TXNL4A: variants seen among roughly 807,000 people sequenced by gnomAD.
TXNL4A encodes thioredoxin-like protein 4A.
In TXNL4A, 17 loss-of-function variants were observed where a neutral mutation model predicts 14.6. The ratio of observed to expected loss-of-function variants is 1.16; its 90% CI spans 0.80 to 1.74. The LOEUF (loss-of-function observed/expected upper bound fraction) is 1.74. Among genes scored for constraint, TXNL4A ranks in the 40% most tolerant of loss-of-function variants. The probability of loss-of-function intolerance (pLI) is 0.00; values close to 1 mark genes in which losing one functional copy is unlikely to be tolerated. For missense variants in TXNL4A, 74 were observed against 195.2 expected (o/e 0.38, Z 3.70); for synonymous variants, 83 against 70.6 (o/e 1.18, Z -0.88).
At chr18:79,987,579 C>T (rs368328429) in intron 1 of TXNL4A, among the ~76,000 whole-genome samples, 2 of 152,202 alleles carry the variant, frequency 1.3e-5, no homozygotes, top group Non-Finnish European at 2.9e-5. Flanking sequence ...TGAGGAACCA[C>T]AGAAAAAGAA....
At chr18:79,986,575 A>C (rs990878821) in intron 1 of TXNL4A, 2 of 985,354 alleles carry the variant, frequency 2.0e-6, no homozygotes, top group Admixed American at 1.2e-4. Context: ...GAAAAGAGCA[A>C]ATCTGGCAAA....
chr18:79,988,173 G>T, intron 1 of TXNL4A, 67 bp downstream of exon 1: 1 of 1,363,388 alleles, frequency 7.3e-7, no homozygotes, highest in Admixed American at 2.4e-5. Flanking sequence ...AGGCGACGCC[G>T]GCAGGGCAGA....
intron 1 of TXNL4A, among the ~76,000 whole-genome samples, chr18:80,008,058 A>G (rs1399719452): frequency 6.6e-6 from 1 of 152,158 alleles, no homozygotes; most frequent in Admixed American, 6.5e-5. Context: ...GGGCTGAGAC[A>G]GGAGGATCGC....
At chr18:79,983,238 T>A (rs2051491382) in intron 1 of TXNL4A, among the ~76,000 whole-genome samples, 1 of 152,222 alleles carries the variant, frequency 6.6e-6, no homozygotes, top group East Asian at 1.9e-4. Flanking sequence ...TGACCTCAGA[T>A]GATTCGCCTG....
intron 1 of TXNL4A, 187 bp from the exon 2 acceptor site, chr18:79,977,888 C>G (rs546633554): frequency 3.5e-6 from 2 of 574,618 alleles, no homozygotes; most frequent in African/African-American, 3.8e-5. Flanking sequence ...ACTGCAGCCT[C>G]GACCTCCCAG....
At chr18:79,976,777 C>G (rs547536762) in intron 2 of TXNL4A, 1 of 456,450 alleles carries the variant, frequency 2.2e-6, no homozygotes, top group East Asian at 6.9e-5. Flanking sequence ...ATTCACCAAC[C>G]TCTATGGTAA....
chr18:80,021,864 A>C (rs1223912477), intron 1 of TXNL4A, among the ~76,000 whole-genome samples: 1 of 152,188 alleles, frequency 6.6e-6, no homozygotes, highest in Non-Finnish European at 1.5e-5. Context: ...CCAGTATAAC[A>C]GTTGTAGCCT....
intron 1 of TXNL4A, among the ~76,000 whole-genome samples, chr18:80,026,361 C>T (rs1267337911): frequency 1.3e-5 from 2 of 152,050 alleles, no homozygotes; most frequent in African/African-American, 2.4e-5. Context: ...TGTAAAAGTC[C>T]GGGACCCCTT....
intron 1 of TXNL4A, among the ~76,000 whole-genome samples, chr18:80,029,665 C>A (rs2051908655): frequency 6.6e-6 from 1 of 152,206 alleles, no homozygotes; most frequent in Non-Finnish European, 1.5e-5. Context: ...AGAGGCACAA[C>A]TGGCTAAATT....
chr18:80,006,663 C>T (rs1247911975), intron 1 of TXNL4A, among the ~76,000 whole-genome samples: 4 of 152,184 alleles, frequency 2.6e-5, no homozygotes, highest in African/African-American at 4.8e-5. Context: ...AAATTGAGGA[C>T]GTAGACCCAC....
chr18:80,005,118 G>C (rs2051721199), intron 1 of TXNL4A, among the ~76,000 whole-genome samples: 1 of 152,234 alleles, frequency 6.6e-6, no homozygotes, highest in Admixed American at 6.5e-5. Flanking sequence ...GGCAAGGGAT[G>C]GTTAACACGA....
intron 1 of TXNL4A, among the ~76,000 whole-genome samples, chr18:80,005,752 TA>T (rs1351311455): frequency 6.6e-6 from 1 of 152,008 alleles, no homozygotes; most frequent in Admixed American, 6.5e-5. Context: ...CTGTCTCTAC[TA>T]AAAGTACAAG....
intron 1 of TXNL4A, among the ~76,000 whole-genome samples, chr18:79,984,515 G>A (rs1013519648): frequency 6.6e-6 from 1 of 152,232 alleles, no homozygotes. Context: ...AGTGAGCCAA[G>A]ATCGTGCCAC....
intron 1 of TXNL4A, among the ~76,000 whole-genome samples, chr18:79,980,692 G>C (rs1436132705): frequency 2.0e-5 from 3 of 152,196 alleles, no homozygotes; most frequent in Admixed American, 6.5e-5. Context: ...CAGAACTCCA[G>C]CACAGGGCCC....
intron 1 of TXNL4A, among the ~76,000 whole-genome samples, chr18:80,033,150 T>C (rs559075882): frequency 6.6e-6 from 1 of 152,340 alleles, no homozygotes; most frequent in South Asian, 2.1e-4. Flanking sequence ...CTCGTCGTTT[T>C]CTTCGATTGA....
chr18:79,989,439 A>T (rs1356145211), upstream of TXNL4A, among the ~76,000 whole-genome samples: 1 of 152,182 alleles, frequency 6.6e-6, no homozygotes, highest in East Asian at 1.9e-4. Context: ...TAGCTTCAGC[A>T]TAACTTCCAC....
At chr18:79,979,963 C>A (rs2051438555) in intron 1 of TXNL4A, among the ~76,000 whole-genome samples, 1 of 152,128 alleles carries the variant, frequency 6.6e-6, no homozygotes, top group Non-Finnish European at 1.5e-5. Context: ...AGTCCTAAAC[C>A]CCCAAAGTGA....
At chr18:79,991,073 A>T (rs573419074), upstream of TXNL4A, among the ~76,000 whole-genome samples, 1 of 144,814 alleles carries the variant, frequency 6.9e-6, no homozygotes, top group Non-Finnish European at 1.5e-5. Flanking sequence ...GTACCACTGC[A>T]CTCCAGCCTG....
At chr18:80,007,608 T>A (rs78760245) in intron 1 of TXNL4A, among the ~76,000 whole-genome samples, 8 of 152,020 alleles carry the variant, frequency 5.3e-5, no homozygotes, top group African/African-American at 7.2e-5. Context: ...TTTTTTTTTT[T>A]AATCAGGTAC....
Sources: gnomAD v4.1 joint callset for allele counts (sites outside exome capture counted in the v4.1 genomes callset) on GRCh38, gnomAD v4.1.1 for gene constraint, MANE v1.5 for transcripts, NCBI Gene and HGNC (gene_info 2026-07-23, HGNC 2026-07-21) for gene names.